The following RBM33 variants were observed in gnomAD, a reference collection of about 807,000 sequenced individuals.
The protein encoded by RBM33 is RNA-binding protein 33.
A neutral mutation model predicts 132.6 loss-of-function variants in RBM33; 28 were observed. The observed-to-expected ratio is 0.21, with a 90% CI of 0.16 to 0.29. The LOEUF (loss-of-function observed/expected upper bound fraction) is 0.29, where lower values mean the gene tolerates loss of function less well. RBM33 is among the 10% of genes least tolerant of loss of function. The pLI is 1.00. For synonymous variants in RBM33, 634 were observed against 593.0 expected (o/e 1.07, Z -1.01); for missense variants, 1,291 against 1,518.5 (o/e 0.85, Z 2.49).
At chr7:155,765,559 G>A (rs1802185896) in intron 15 of RBM33, among the ~76,000 whole-genome samples, 1 of 152,146 alleles carries the variant, frequency 6.6e-6, no homozygotes, top group South Asian at 2.1e-4. Flanking sequence ...GATGGACTGG[G>A]AGGCCACTTT....
intron 3 of RBM33, among the ~76,000 whole-genome samples, chr7:155,673,768 G>GCGCGCACACACACACACACACA (rs1554469952): frequency 7.5e-6 from 1 of 132,962 alleles, no homozygotes; most frequent in African/African-American, 3.2e-5. Flanking sequence ...GCGCATGCGC[G>GCGCGCACACACACACACACACA]CACACACACA....
At position 155,738,104 on chromosome 7, in the gene RBM33, C is replaced by T; in HGVS notation, c.1438C>T (p.Arg480Ter). Residue 480 changes from arginine (R) to a stop codon, truncating the protein, a stop_gained, in exon 11 of 18, where the codon CGA becomes TGA. Coordinates refer to ENST00000401878, the MANE Select transcript of RBM33 (RefSeq NM_053043.3). LOFTEE classifies it high-confidence loss of function. Reference sequence around the variant, plus strand: ...CCCGAGCCATCTTTTTCTGGAACAGCGAAGTCCCCCTCCACCACCACCGCC... The same window carrying T: ...CCCGAGCCATCTTTTTCTGGAACAGTGAAGTCCCCCTCCACCACCACCGCC... ...RFPSHLFLEQ[R>*]SPPPPPPPPT... is the part of the protein sequence containing the mutation. The T allele has an allele frequency of 6.2e-7, 1 of 1,613,760 alleles. No homozygotes were observed. The highest frequency in any genetic ancestry group is 8.5e-7 in the Non-Finnish European group (1 of 1,179,784).
At position 155,745,545 on chromosome 7, in the gene RBM33, T is replaced by C. The variant is rs769626975; in HGVS notation, c.2922T>C (p.Gly974=). 1.2e-6 allele frequency: 2 copies of C among 1,610,792 alleles called. No homozygotes were observed. Among genetic ancestry groups the C allele is most frequent in the Admixed American group, 1.7e-5 (1 of 59,622 alleles). ...CTGTCACGCACAGGACAAACAGTGG[T>C]GGTGGAGACGGGCCCCACATCAGCT... ...KRTVTHRTNS[G]GGDGPHISSK... is the part of the protein sequence containing the mutation. Residue 974 remains glycine (G), a synonymous_variant, in exon 14 of 18, where the codon GGT becomes GGC. Coordinates refer to ENST00000401878, the MANE Select transcript of RBM33 (RefSeq NM_053043.3). This position sits in a 1 kb window ranked among gnomAD's most constrained non-coding sequence, Gnocchi z 4.1.
intron 9 of RBM33, among the ~76,000 whole-genome samples, chr7:155,719,318 T>C (rs2116992240): frequency 6.6e-6 from 1 of 152,330 alleles, no homozygotes; most frequent in South Asian, 2.1e-4. Context: ...TTTAACTGTT[T>C]ATCTTTGGTA....
chr7:155,775,360 C>A lies in RBM33; in HGVS notation c.*319C>A. ...GTTCTTTGTGGTCTGACTCTATGAT[C>A]GATCACAGTGACTTAGATTCAGGAA... On this transcript the variant is annotated 3_prime_UTR_variant, in exon 18 of 18. Transcript: ENST00000401878. 2.1e-6 allele frequency: 1 copy of A among 485,170 alleles called. No individual in the cohort carries two copies. Among genetic ancestry groups the A allele is most frequent in the Non-Finnish European group, 3.8e-6 (1 of 264,072 alleles). The allele number at this position is 485,170 out of a possible 1,614,324, so 30.1% of individuals were successfully genotyped here.
At chr7:155,679,653 T>C (rs937408058) in intron 4 of RBM33, among the ~76,000 whole-genome samples, 31 of 152,272 alleles carry the variant, frequency 2.0e-4, no homozygotes, top group Non-Finnish European at 4.6e-4. Flanking sequence ...AAAGTAATTT[T>C]TACAGGTAAA....
In RBM33 at chr7:155,741,762, A is replaced by G. The variant is rs920438150; in HGVS notation, c.2050-57A>G. ...TTTTTATTTAATAATGTGCCTTTTA[A>G]TGTTCCTTCTGCCAAGTTTCCACTT... On this transcript the variant is annotated intron_variant, in intron 12 of 17. Transcript: ENST00000401878. 5 of 1,480,494 alleles carry G rather than the reference A, an allele frequency of 3.4e-6. No individual in the cohort carries two copies. The South Asian group carries it at 4.8e-5, about 14-fold the overall frequency. The allele number at this position is 1,480,494 out of a possible 1,614,324, so 91.7% of individuals were successfully genotyped here.
chr7:155,752,778 C>G (rs1392245431), intron 14 of RBM33, among the ~76,000 whole-genome samples: 1 of 152,226 alleles, frequency 6.6e-6, no homozygotes. Context: ...TTTCATGCCT[C>G]TGGCCCACTT....
chr7:155,740,250 C>T lies in RBM33; in HGVS notation c.2049+224C>T, dbSNP rs572450388. Among the ~76,000 whole-genome samples, 10 of 152,318 alleles carry T rather than the reference C, an allele frequency of 6.6e-5. No individual in the cohort carries two copies. In the East Asian group the frequency reaches 1.9e-3, roughly 29 times the overall value. On this transcript the variant is annotated intron_variant, in intron 12 of 17. Transcript: ENST00000401878. ...AGATACTCCTTTTGTGTCTCAAAGACTGTGTTAATATTTACTTAAGCATCT... is the reference window on the plus strand; with the variant it reads ...AGATACTCCTTTTGTGTCTCAAAGATTGTGTTAATATTTACTTAAGCATCT...
chr7:155,704,186 C>T (rs573545401), intron 6 of RBM33, among the ~76,000 whole-genome samples: 2 of 152,194 alleles, frequency 1.3e-5, no homozygotes, highest in South Asian at 4.1e-4. Flanking sequence ...GTTTTATGCA[C>T]AGTTGTTGAT....
intron 1 of RBM33, among the ~76,000 whole-genome samples, chr7:155,661,097 G>GGTGTGTGTGT (rs59345780): frequency 9.1e-6 from 1 of 110,152 alleles, no homozygotes; most frequent in Non-Finnish European, 1.7e-5. Flanking sequence ...GTGTGTGTGT[G>GGTGTGTGTGT]GTGTGTGTGT....
chr7:155,717,334 C>G (rs955171545), intron 8 of RBM33, among the ~76,000 whole-genome samples: 1 of 152,064 alleles, frequency 6.6e-6, no homozygotes, highest in African/African-American at 2.4e-5. Flanking sequence ...CCACCTTCTC[C>G]TTGTGTCCTC....
Position 155,773,568 on chromosome 7 carries a change from CAAAAA to C in RBM33, c.3376-968_3376-964del, listed in dbSNP as rs201127157. On this transcript the variant is annotated intron_variant, in intron 16 of 17. Transcript: ENST00000401878. ...AGGCAACAGTGCGAGACTCCATCTC[CAAAAA>C]AAAAAAAAAAAAAAAAAAAAAAGGA... 2.6e-3 allele frequency among the ~76,000 whole-genome samples: 133 copies of C among 50,458 alleles called. 1 individual carries two copies. Among genetic ancestry groups the C allele is most frequent in the African/African-American group, 9.9e-3 (118 of 11,974 alleles). The allele number at this position is 50,458 out of a possible 152,430, so 33.1% of individuals were successfully genotyped here.
At chr7:155,712,794 C>T (rs1349866333) in intron 8 of RBM33, among the ~76,000 whole-genome samples, 7 of 152,178 alleles carry the variant, frequency 4.6e-5, no homozygotes. Context: ...ACCTGGGTAC[C>T]GTGGGGCCGT....
At chr7:155,759,859 C>T (rs1300971606) in intron 14 of RBM33, among the ~76,000 whole-genome samples, 1 of 152,124 alleles carries the variant, frequency 6.6e-6, no homozygotes, top group African/African-American at 2.4e-5. Flanking sequence ...CCAGGGAAAC[C>T]GGCCAGAGCA....
chr7:155,722,794 T>G (rs2116998353), intron 9 of RBM33, among the ~76,000 whole-genome samples: 1 of 152,316 alleles, frequency 6.6e-6, no homozygotes, highest in Middle Eastern at 3.4e-3. Flanking sequence ...AAAAAATCAT[T>G]TTAAAGATTC....
chr7:155,668,683 G>A (rs1798864899), intron 2 of RBM33, among the ~76,000 whole-genome samples: 2 of 152,324 alleles, frequency 1.3e-5, no homozygotes, highest in East Asian at 1.9e-4. Flanking sequence ...AGAAAAGACA[G>A]GGTAAGTGAT....
At position 155,745,563 on chromosome 7, in the gene RBM33, C is replaced by T. The variant is rs1282675824; in HGVS notation, c.2940C>T (p.His980=). The T allele has an allele frequency of 3.1e-6, 5 of 1,607,436 alleles. No individual in the cohort carries two copies. Among genetic ancestry groups the T allele is most frequent in the African/African-American group, 1.3e-5 (1 of 74,814 alleles). ...RTNSGGGDGP[H]ISSKVRVIKL... ...ACAGTGGTGGTGGAGACGGGCCCCACATCAGCTCCAAGGTCAGGGTGATTA... is the reference window on the plus strand; with the variant it reads ...ACAGTGGTGGTGGAGACGGGCCCCATATCAGCTCCAAGGTCAGGGTGATTA... Residue 980 remains histidine (H), a synonymous_variant, in exon 14 of 18, where the codon CAC becomes CAT. Coordinates refer to ENST00000401878, the MANE Select transcript of RBM33 (RefSeq NM_053043.3). The surrounding 1 kb of genome is among the most constrained non-coding windows in gnomAD (Gnocchi z 4.1).
At chr7:155,717,342 C>G (rs942026519) in intron 8 of RBM33, among the ~76,000 whole-genome samples, 1 of 152,128 alleles carries the variant, frequency 6.6e-6, no homozygotes, top group Non-Finnish European at 1.5e-5. Flanking sequence ...TCCTTGTGTC[C>G]TCACGTGGTC....
Sources: allele counts gnomAD v4.1 joint callset (sites outside exome capture counted in the v4.1 genomes callset), GRCh38; gene constraint gnomAD v4.1.1; non-coding constraint Gnocchi (gnomAD v3.1); transcripts MANE v1.5; gene names NCBI Gene and HGNC (gene_info 2026-07-23, HGNC 2026-07-21).